TRIP12: variants seen among roughly 807,000 people sequenced by gnomAD.
The protein encoded by TRIP12 is E3 ubiquitin-protein ligase TRIP12.
A neutral mutation model predicts 244.2 loss-of-function variants in TRIP12; 25 were observed. That is an observed-to-expected ratio of 0.10 (90% CI 0.07 to 0.14). The LOEUF is 0.14. TRIP12 is among the 10% of genes least tolerant of loss of function. The probability of loss-of-function intolerance (pLI) is 1.00; values close to 1 mark genes in which losing one functional copy is unlikely to be tolerated. For missense variants in TRIP12, 1,677 were observed against 2,486.4 expected (o/e 0.67, Z 6.92); for synonymous variants, 905 against 873.1 (o/e 1.04, Z -0.64).
At position 229,774,145 on chromosome 2, in the gene TRIP12, T is replaced by G; in HGVS notation, c.5646A>C (p.Gly1882=). The part of the protein sequence containing the change: ...PGFPNIELKK[G]GKDIPVTIHN... ...GGATAGTGACTGGTATATCCTTCCC[T>G]CCTTTCTTCAGTTCGATATTGGGAA... Residue 1882 remains glycine, a synonymous_variant, in exon 38 of 42, where the codon GGA becomes GGC. Coordinates refer to ENST00000675903, the MANE Select transcript of TRIP12 (RefSeq NM_001348323.3). 6.2e-7 allele frequency: 1 copy of G among 1,614,140 alleles called. No homozygotes were observed. Among genetic ancestry groups the G allele is most frequent in the Non-Finnish European group, 8.5e-7 (1 of 1,180,018 alleles).
chr2:229,801,480 C>CT (rs1369030278), intron 21 of TRIP12, among the ~76,000 whole-genome samples: 1 of 152,138 alleles, frequency 6.6e-6, no homozygotes, highest in Non-Finnish European at 1.5e-5. Flanking sequence ...GCATGATCTA[C>CT]TTTTCAGTTT....
At chr2:229,897,674 A>G (rs2069270472) in intron 1 of TRIP12, among the ~76,000 whole-genome samples, 2 of 152,186 alleles carry the variant, frequency 1.3e-5, no homozygotes, top group Non-Finnish European at 2.9e-5. Context: ...TTATCTATTC[A>G]AGTTTTACAA....
At chr2:229,865,995 C>G (rs1184341277) in intron 2 of TRIP12, among the ~76,000 whole-genome samples, 1 of 152,118 alleles carries the variant, frequency 6.6e-6, no homozygotes, top group Non-Finnish European at 1.5e-5. Flanking sequence ...GAAACATACA[C>G]TGGGAAGCGG....
In TRIP12 at chr2:229,859,542, G is replaced by C. The variant is rs1306666591; in HGVS notation, c.257C>G (p.Pro86Arg). Reference protein sequence around the residue: ...SCSSSSAVIVPQPEDPDRANT... With the variant: ...SCSSSSAVIVRQPEDPDRANT... ...GGCTCTGTCTGGATCCTCTGGTTGT[G>C]GAACTATCACAGCAGATGATGAACT... Residue 86 changes from proline (P) to arginine (R), a missense_variant, in exon 4 of 42, where the codon CCA becomes CGA. This residue lies in a region of TRIP12 where 387 missense variants were observed against 392.6 expected (regional missense o/e 0.99). Coordinates refer to ENST00000675903, the MANE Select transcript of TRIP12 (RefSeq NM_001348323.3). The C allele has an allele frequency of 1.9e-6, 3 of 1,613,874 alleles. No individual in the cohort carries two copies. The Admixed American group carries it at 5.0e-5, about 27-fold the overall frequency.
chr2:229,885,757 G>C (rs1027765009), intron 1 of TRIP12, among the ~76,000 whole-genome samples: 1 of 152,108 alleles, frequency 6.6e-6, no homozygotes, highest in African/African-American at 2.4e-5. Context: ...ATTGAGAGGT[G>C]CCGAGAAACA....
intron 1 of TRIP12, among the ~76,000 whole-genome samples, chr2:229,913,558 TAAC>T (rs2074752838): frequency 6.6e-6 from 1 of 152,202 alleles, no homozygotes; most frequent in African/African-American, 2.4e-5. Flanking sequence ...TCTAGGGTCT[TAAC>T]AATTCCTTAA....
intron 34 of TRIP12, among the ~76,000 whole-genome samples, chr2:229,780,306 C>A (rs1304097467): frequency 6.6e-6 from 1 of 152,206 alleles, no homozygotes; most frequent in Admixed American, 6.5e-5. Flanking sequence ...GCGCTGCCTT[C>A]AAAATGCATT....
At chr2:229,864,797 GTTATGTGCTTTCAAGATCA>G (rs1341198539) in intron 2 of TRIP12, among the ~76,000 whole-genome samples, 31 of 152,242 alleles carry the variant, frequency 2.0e-4, no homozygotes, top group East Asian at 1.3e-3. Flanking sequence ...TCAACTCTGG[GTTATGTGCTTTCAAGATCA>G]TTATGTGCTT....
At chr2:229,789,533 C>T (rs2040906117) in intron 31 of TRIP12, 78 bp downstream of exon 31, 6 of 1,527,636 alleles carry the variant, frequency 3.9e-6, no homozygotes, top group Admixed American at 1.8e-5. Context: ...AGCTGAATCA[C>T]TGTTTCCATT....
At chr2:229,799,791 G>C (rs1386418223) in intron 21 of TRIP12, among the ~76,000 whole-genome samples, 2 of 151,722 alleles carry the variant, frequency 1.3e-5, no homozygotes, top group African/African-American at 4.8e-5. Context: ...AAAAAATACT[G>C]TCATAACAAG....
At chr2:229,916,432 T>C (rs1289095834) in intron 1 of TRIP12, among the ~76,000 whole-genome samples, 1 of 152,184 alleles carries the variant, frequency 6.6e-6, no homozygotes, top group Non-Finnish European at 1.5e-5. Context: ...GGTGCCCGTC[T>C]GTGATCCCAG....
rs759001773 is a variant in TRIP12, at chr2:229,808,165, A to G, written c.2339+87T>C. On this transcript the variant is annotated intron_variant, in intron 16 of 41. Transcript: ENST00000675903. ...GTATTTTTAGTAGAGACGGGTTTTC[A>G]TCATGTTGGCCAGGCTGGTCTCGAA... is the stretch of plus-strand genomic sequence containing the variant. 5.1e-6 allele frequency: 5 copies of G among 988,354 alleles called. No individual in the cohort carries two copies. In the Admixed American group the frequency reaches 8.1e-5, roughly 16 times the overall value. The allele number at this position is 988,354 out of a possible 1,614,324, so 61.2% of individuals were successfully genotyped here.
At chr2:229,801,508 G>C (rs1192045065) in intron 21 of TRIP12, among the ~76,000 whole-genome samples, 1 of 152,164 alleles carries the variant, frequency 6.6e-6, no homozygotes, top group East Asian at 1.9e-4. Context: ...GCCAGAAAGA[G>C]TACTGAAGTG....
chr2:229,922,439 A>G (rs904378190), upstream of TRIP12: 6 of 1,383,012 alleles, frequency 4.3e-6, no homozygotes, highest in Admixed American at 5.2e-5. Flanking sequence ...AATTTAAACT[A>G]GGGTTTTGGC....
intron 4 of TRIP12, among the ~76,000 whole-genome samples, chr2:229,842,955 C>T (rs2056799968): frequency 6.6e-6 from 1 of 151,984 alleles, no homozygotes; most frequent in African/African-American, 2.4e-5. Flanking sequence ...TGTATTTACC[C>T]ATATAACCAG....
intron 8 of TRIP12, among the ~76,000 whole-genome samples, chr2:229,822,097 G>A (rs2050212389): frequency 6.6e-6 from 1 of 152,158 alleles, no homozygotes; most frequent in African/African-American, 2.4e-5. Context: ...CCAAGTTCAC[G>A]TCGCTGCACT....
In TRIP12 at chr2:229,774,218, T is replaced by C; in HGVS notation, c.5573A>G (p.Asn1858Ser). Residue 1858 changes from asparagine (N) to serine (S), a missense_variant, in exon 38 of 42, where the codon AAT becomes AGT. Asn to Ser is a conservative substitution (Grantham distance 46, BLOSUM62 1). Around this residue, in one of 11 missense-constraint regions of TRIP12, gnomAD observed 171 missense variants for 388.4 expected, o/e 0.44. Transcript: ENST00000675903. ...LQYALETLTMNGCSVEDLGLD... is the reference protein window; with the variant it reads ...LQYALETLTMSGCSVEDLGLD... The stretch of plus-strand genomic sequence containing the variant: ...TCCTAGATCTTCAACTGAGCAGCCA[T>C]TCATAGTCAAGGTTTCTAATGCATA... 1 of 1,614,162 alleles carries C rather than the reference T, an allele frequency of 6.2e-7. No individual in the cohort carries two copies. Among genetic ancestry groups the C allele is most frequent in the Non-Finnish European group, 8.5e-7 (1 of 1,180,020 alleles).
At chr2:229,918,350 C>A (rs1458793169) in intron 1 of TRIP12, among the ~76,000 whole-genome samples, 1 of 151,930 alleles carries the variant, frequency 6.6e-6, no homozygotes, top group Non-Finnish European at 1.5e-5. Flanking sequence ...CATCAAATAG[C>A]AAACAAAAAA....
At chr2:229,819,565 A>C (rs533557410) in intron 8 of TRIP12, among the ~76,000 whole-genome samples, 1 of 152,186 alleles carries the variant, frequency 6.6e-6, no homozygotes. Flanking sequence ...AATTAATTTT[A>C]AAAAATAAAG....
Sources: gnomAD v4.1 joint callset for allele counts (sites outside exome capture counted in the v4.1 genomes callset) on GRCh38, gnomAD v4.1.1 for gene constraint, gnomAD v4.1.1 regional missense constraint, MANE v1.5 for transcripts, NCBI Gene and HGNC (gene_info 2026-07-23, HGNC 2026-07-21) for gene names.